Variants in MICAL3 observed in about 807,000 individuals in gnomAD.
MICAL3 encodes the protein microtubule associated monooxygenase, calponin and LIM domain containing 3.
MICAL3 carries 62 observed loss-of-function variants against 207.4 expected under a neutral mutation model. That is an observed-to-expected ratio of 0.30 (90% confidence interval 0.24 to 0.37). MICAL3 has a LOEUF of 0.37. Among genes scored for constraint, MICAL3 ranks in the 10% least tolerant of loss-of-function variants. The probability of loss-of-function intolerance (pLI) is 1.00; values close to 1 mark genes in which losing one functional copy is unlikely to be tolerated. For missense variants in MICAL3, 2,368 were observed against 2,635.6 expected (o/e 0.90, Z 2.22); for synonymous variants, 1,077 against 1,069.3 (o/e 1.01, Z -0.14).
intron 1 of MICAL3, among the ~76,000 whole-genome samples, chr22:17,982,069 C>T (rs758606153): frequency 2.6e-5 from 4 of 151,782 alleles, no homozygotes; most frequent in Non-Finnish European, 2.9e-5. Context: ...TGCACCACTG[C>T]ACTCCAGCCT....
chr22:17,896,416 GA>G, intron 8 of MICAL3, 55 bp from the exon 9 acceptor site: 1 of 1,104,608 alleles, frequency 9.1e-7, no homozygotes, highest in Non-Finnish European at 1.3e-6. Flanking sequence ...TTCAAAATGG[GA>G]AAAATAAACT....
At chr22:17,965,925 T>TGACCAACCACCACGG (rs1231658161) in intron 1 of MICAL3, among the ~76,000 whole-genome samples, 1 of 152,182 alleles carries the variant, frequency 6.6e-6, no homozygotes, top group Non-Finnish European at 1.5e-5. Flanking sequence ...GAGGGTGGTC[T>TGACCAACCACCACGG]GACCAACCAC....
chr22:17,997,789 T>C (rs1239770989), intron 1 of MICAL3, among the ~76,000 whole-genome samples: 1 of 152,150 alleles, frequency 6.6e-6, no homozygotes, highest in Non-Finnish European at 1.5e-5. Flanking sequence ...AATGTTGTTG[T>C]GAGGAATAAA....
At chr22:17,918,349 A>T (rs1273166746) in intron 1 of MICAL3, among the ~76,000 whole-genome samples, 1 of 152,180 alleles carries the variant, frequency 6.6e-6, no homozygotes, top group Non-Finnish European at 1.5e-5. Context: ...ACTGAGACAA[A>T]ATTTCAACAT....
At chr22:17,947,833 G>A (rs960397431) in intron 1 of MICAL3, among the ~76,000 whole-genome samples, 3 of 152,070 alleles carry the variant, frequency 2.0e-5, no homozygotes, top group Non-Finnish European at 2.9e-5. Context: ...CAATGTGCTG[G>A]GATTAAAGGT....
chr22:17,933,817 C>T (rs532239478), intron 1 of MICAL3, among the ~76,000 whole-genome samples: 2 of 152,172 alleles, frequency 1.3e-5, no homozygotes, highest in African/African-American at 4.8e-5. Context: ...CACGGAAATA[C>T]AAACTATCAT....
intron 1 of MICAL3, among the ~76,000 whole-genome samples, chr22:17,909,067 T>C (rs1931949305): frequency 6.6e-6 from 1 of 152,172 alleles, no homozygotes; most frequent in South Asian, 2.1e-4. Context: ...AAGTTGTAAC[T>C]AAATACAAGG....
intron 1 of MICAL3, among the ~76,000 whole-genome samples, chr22:18,023,443 A>T (rs773605725): frequency 1.1e-4 from 16 of 151,642 alleles, no homozygotes; most frequent in Non-Finnish European, 2.2e-4. Flanking sequence ...TTTCTTTACA[A>T]TGAAAATTCT....
intron 1 of MICAL3, among the ~76,000 whole-genome samples, chr22:17,989,669 T>C (rs1921443906): frequency 6.6e-6 from 1 of 152,090 alleles, no homozygotes; most frequent in African/African-American, 2.4e-5. Flanking sequence ...CCCACAGAAG[T>C]CAACATGGTC....
At chr22:17,862,556 G>A in intron 19 of MICAL3, 1 of 984,224 alleles carries the variant, frequency 1.0e-6, no homozygotes, top group East Asian at 1.1e-4. Flanking sequence ...CATCGTGCCT[G>A]GCCACACCTG....
Position 17,987,429 on chromosome 22 carries a change from G to A in MICAL3, c.-75+36852C>T, listed in dbSNP as rs373109202. On this transcript the variant is annotated intron_variant, in intron 1 of 31. Coordinates refer to ENST00000441493, the MANE Select transcript of MICAL3 (RefSeq NM_015241.3). ...AAGGAAAGTACGGTCCCCGCCCTCTGCAGCTTAGATGCTCAAGACAAGTGA... is the reference window on the plus strand; with the variant it reads ...AAGGAAAGTACGGTCCCCGCCCTCTACAGCTTAGATGCTCAAGACAAGTGA... 2.6e-5 allele frequency among the ~76,000 whole-genome samples: 4 copies of A among 152,334 alleles called. No homozygotes were observed. The East Asian group carries it at 7.7e-4, about 29-fold the overall frequency.
At chr22:17,947,862 G>A (rs974368184) in intron 1 of MICAL3, among the ~76,000 whole-genome samples, 1 of 152,078 alleles carries the variant, frequency 6.6e-6, no homozygotes, top group Non-Finnish European at 1.5e-5. Flanking sequence ...ACTGTATCTG[G>A]CCTAACTTAA....
At chr22:17,969,924 T>C (rs557240250) in intron 1 of MICAL3, among the ~76,000 whole-genome samples, 15 of 152,252 alleles carry the variant, frequency 9.9e-5, no homozygotes, top group African/African-American at 3.4e-4. Flanking sequence ...GAGGGCCTCA[T>C]GAGGTCACGT....
chr22:18,005,369 C>T (rs1246406043), intron 1 of MICAL3: 17 of 152,134 alleles, frequency 1.1e-4, no homozygotes, highest in Non-Finnish European at 1.5e-5. Context: ...AGAGCATGAC[C>T]GTTTGGCTAA....
chr22:17,805,323 C>G (rs186580529), intron 29 of MICAL3, among the ~76,000 whole-genome samples: 1 of 151,982 alleles, frequency 6.6e-6, no homozygotes, highest in Non-Finnish European at 1.5e-5. Context: ...GCTTCAGAGA[C>G]GGCATCGGCC....
At chr22:17,839,258 A>ATTTTTTTTTT (rs58568915) in intron 20 of MICAL3, among the ~76,000 whole-genome samples, 45 of 110,370 alleles carry the variant, frequency 4.1e-4, no homozygotes, top group African/African-American at 1.1e-3. Context: ...CGGGCTCTTC[A>ATTTTTTTTTT]TTTTTTTTTT....
At chr22:17,967,909 CA>C (rs1183491861) in intron 1 of MICAL3, among the ~76,000 whole-genome samples, 3 of 151,970 alleles carry the variant, frequency 2.0e-5, no homozygotes, top group Admixed American at 6.6e-5. Flanking sequence ...CAGGCGTGGT[CA>C]CGCACACCTG....
At chr22:18,017,548 A>G (rs965379047) in intron 1 of MICAL3, among the ~76,000 whole-genome samples, 7 of 151,506 alleles carry the variant, frequency 4.6e-5, no homozygotes, top group African/African-American at 7.3e-5. Flanking sequence ...GTAATATATA[A>G]TGCAAATATT....
intron 10 of MICAL3, among the ~76,000 whole-genome samples, chr22:17,894,880 G>C (rs1930694493): frequency 6.6e-6 from 1 of 151,774 alleles, no homozygotes. Context: ...CCTGTGAGTA[G>C]TCAGGGATTA....
Sources: gnomAD v4.1 joint callset for allele counts (sites outside exome capture counted in the v4.1 genomes callset) on GRCh38, gnomAD v4.1.1 for gene constraint, MANE v1.5 for transcripts, NCBI Gene and HGNC (gene_info 2026-07-23, HGNC 2026-07-21) for gene names.